HAUS6: variants seen among roughly 807,000 people sequenced by gnomAD.
The protein encoded by HAUS6 is HAUS augmin-like complex subunit 6.
HAUS6 carries 80 observed loss-of-function variants against 106.8 expected under a neutral mutation model. That is an observed-to-expected ratio of 0.75 (90% confidence interval 0.63 to 0.90). The LOEUF (loss-of-function observed/expected upper bound fraction) is 0.90, where lower values mean the gene tolerates loss of function less well. Among genes scored for constraint, HAUS6 ranks in the 40% least tolerant of loss-of-function variants. The pLI is 0.00. For missense variants in HAUS6, 1,155 were observed against 1,118.1 expected, an observed-to-expected ratio of 1.03 and a Z score of -0.47; for synonymous variants, 356 against 379.1, an observed-to-expected ratio of 0.94 and a Z score of 0.71.
At chr9:19,081,151 C>T (rs545159776) in intron 8 of HAUS6, among the ~76,000 whole-genome samples, 2 of 151,838 alleles carry the variant, frequency 1.3e-5, no homozygotes, top group African/African-American at 4.8e-5. Context: ...TAATTTTGGC[C>T]CAGTGAAAAC....
At chr9:19,078,803 TA>T (rs1374622315) in intron 9 of HAUS6, among the ~76,000 whole-genome samples, 2 of 106,972 alleles carry the variant, frequency 1.9e-5, no homozygotes, top group Non-Finnish European at 4.1e-5. Flanking sequence ...GTCTCAAAAA[TA>T]AAAAATAAAT....
chr9:19,096,291 G>C (rs1199692898), intron 2 of HAUS6, among the ~76,000 whole-genome samples: 1 of 152,144 alleles, frequency 6.6e-6, no homozygotes, highest in Non-Finnish European at 1.5e-5. Flanking sequence ...TATGCCGGGC[G>C]TGGTGGCTCA....
chr9:19,088,052 T>A (rs954455555), intron 5 of HAUS6, among the ~76,000 whole-genome samples: 9 of 152,018 alleles, frequency 5.9e-5, no homozygotes, highest in African/African-American at 2.2e-4. Context: ...TTTAAAAAAA[T>A]GATGGACTAC....
In HAUS6 at chr9:19,098,673, C is replaced by T. The variant is rs182313836; in HGVS notation, c.129-1904G>A. Among the ~76,000 whole-genome samples, 3 of 152,168 alleles carry T rather than the reference C, an allele frequency of 2.0e-5. No individual in the cohort carries two copies. The East Asian group carries it at 5.8e-4, about 29-fold the overall frequency. ...CCATATGATTTTTCCAAACTGCAAA[C>T]CTTTTGGGCAAATACCTTGGAATGG... On this transcript the variant is annotated intron_variant, in intron 1 of 16. Transcript: ENST00000380502.
chr9:19,089,156 T>C (rs1261202032), intron 5 of HAUS6, among the ~76,000 whole-genome samples: 1 of 151,838 alleles, frequency 6.6e-6, no homozygotes, highest in Non-Finnish European at 1.5e-5. Context: ...GGTGGGAGGA[T>C]GACTTAAGCC....
rs1159183887 is a variant in HAUS6, at chr9:19,102,610, G to C, written c.42C>G (p.Leu14=). Residue 14 remains leucine (L), a synonymous_variant, in exon 1 of 17, where the codon CTC becomes CTG. Transcript: ENST00000380502. The part of the protein sequence containing the change: ...ASVTAFEKEH[L]WMYLQALGFE... ...AGCCGAGCGCCTGCAGATACATCCA[G>C]AGATGCTCCTTCTCGAAAGCGGTGA... is the stretch of plus-strand genomic sequence containing the variant. The C allele has an allele frequency of 6.2e-7, 1 of 1,613,556 alleles. No homozygotes were observed. The highest frequency in any genetic ancestry group is 1.3e-5 in the African/African-American group (1 of 75,050).
chr9:19,098,319 T>A (rs1817906112), intron 1 of HAUS6, among the ~76,000 whole-genome samples: 1 of 151,378 alleles, frequency 6.6e-6, no homozygotes, highest in African/African-American at 2.4e-5. Flanking sequence ...GCACCTGTAA[T>A]CCCAGCTACT....
intron 4 of HAUS6, among the ~76,000 whole-genome samples, chr9:19,091,179 A>G (rs1467355659): frequency 6.6e-6 from 1 of 152,132 alleles, no homozygotes; most frequent in Non-Finnish European, 1.5e-5. Flanking sequence ...GCATGCCTGT[A>G]GTCCCAGCTA....
Position 19,056,422 on chromosome 9 carries a change from A to T in HAUS6, c.2807-18T>A. 3 of 1,390,326 alleles carry T rather than the reference A, an allele frequency of 2.2e-6. No individual in the cohort carries two copies. Among genetic ancestry groups the T allele is most frequent in the Non-Finnish European group, 3.1e-6 (3 of 978,094 alleles). The allele number at this position is 1,390,326 out of a possible 1,614,324, so 86.1% of individuals were successfully genotyped here. On this transcript the variant is annotated intron_variant, in intron 16 of 16. Transcript: ENST00000380502. ...GTCTTCTTCTGCAAATTGATTTTAAAAAAGTATAAGCAAACATTACAAAGA... is the reference window on the plus strand; with the variant it reads ...GTCTTCTTCTGCAAATTGATTTTAATAAAGTATAAGCAAACATTACAAAGA...
intron 11 of HAUS6, among the ~76,000 whole-genome samples, chr9:19,074,223 G>T (rs1156552494): frequency 6.6e-6 from 1 of 151,992 alleles, no homozygotes; most frequent in East Asian, 1.9e-4. Flanking sequence ...CTCCAACCTG[G>T]ATGACAGTGA....
At position 19,053,814 on chromosome 9, in the gene HAUS6, T is replaced by C. The variant is rs1333137852; in HGVS notation, c.*2529A>G. ...ACAAAACAATTCCAAAACTTAAATATTGATAAAGATGACACATGGCCTTGG... is the reference window on the plus strand; with the variant it reads ...ACAAAACAATTCCAAAACTTAAATACTGATAAAGATGACACATGGCCTTGG... On this transcript the variant is annotated 3_prime_UTR_variant, in exon 17 of 17. Coordinates refer to ENST00000380502, the MANE Select transcript of HAUS6 (RefSeq NM_017645.5). The C allele has an allele frequency of 6.6e-6, 1 of 152,084 alleles. No homozygotes were observed. The highest frequency in any genetic ancestry group is 1.5e-5 in the Non-Finnish European group (1 of 67,992). 9.4% of individuals were successfully genotyped at this position (152,084 alleles called of 1,614,324 possible).
At chr9:19,094,076 T>G (rs1817810426) in intron 3 of HAUS6, among the ~76,000 whole-genome samples, 1 of 152,212 alleles carries the variant, frequency 6.6e-6, no homozygotes, top group Non-Finnish European at 1.5e-5. Context: ...ACAAAAACTG[T>G]GCTATAAACG....
At chr9:19,068,089 C>A (rs898487965) in intron 12 of HAUS6, among the ~76,000 whole-genome samples, 1 of 151,754 alleles carries the variant, frequency 6.6e-6, no homozygotes, top group African/African-American at 2.4e-5. Context: ...TTTAGTCCAG[C>A]AAAACACCTT....
chr9:19,072,715 CAG>C (rs1026083832), intron 11 of HAUS6, among the ~76,000 whole-genome samples: 30 of 152,184 alleles, frequency 2.0e-4, no homozygotes, highest in African/African-American at 6.0e-4. Context: ...TTTTACTATT[CAG>C]AGTCCAAGAA....
intron 12 of HAUS6, among the ~76,000 whole-genome samples, chr9:19,068,746 G>A (rs1302443212): frequency 6.6e-6 from 1 of 150,494 alleles, no homozygotes; most frequent in Non-Finnish European, 1.5e-5. Flanking sequence ...GGAAAGTTTC[G>A]TGTTTGATTG....
chr9:19,085,248 G>A (rs1321149299), intron 7 of HAUS6, among the ~76,000 whole-genome samples: 2 of 152,090 alleles, frequency 1.3e-5, no homozygotes, highest in African/African-American at 4.8e-5. Flanking sequence ...TCTTGACAAT[G>A]GCTCAAAGTT....
intron 4 of HAUS6, among the ~76,000 whole-genome samples, chr9:19,091,977 T>G (rs895116976): frequency 6.6e-6 from 1 of 152,120 alleles, no homozygotes; most frequent in Non-Finnish European, 1.5e-5. Context: ...ATAAACATTT[T>G]TTTTTAAGTA....
intron 11 of HAUS6, among the ~76,000 whole-genome samples, chr9:19,073,221 CA>C (rs904099893): frequency 2.6e-5 from 4 of 151,260 alleles, no homozygotes; most frequent in Admixed American, 2.0e-4. Flanking sequence ...AAACCTTTGC[CA>C]AAAAAAGGTG....
chr9:19,091,286 TGA>T (rs1817741101), intron 4 of HAUS6, among the ~76,000 whole-genome samples: 1 of 148,046 alleles, frequency 6.8e-6, no homozygotes, highest in Admixed American at 6.9e-5. Flanking sequence ...GGCAACAGAG[TGA>T]GACTTCGTCT....
Sources: gnomAD v4.1 joint callset for allele counts (sites outside exome capture counted in the v4.1 genomes callset) on GRCh38, gnomAD v4.1.1 for gene constraint, MANE v1.5 for transcripts, NCBI Gene and HGNC (gene_info 2026-07-23, HGNC 2026-07-21) for gene names.